Variants in ACTR5 observed in about 807,000 individuals in gnomAD.
The protein encoded by ACTR5 is actin-related protein 5.
A neutral mutation model predicts 61.2 loss-of-function variants in ACTR5; 43 were observed. The observed-to-expected ratio is 0.70, with a 90% CI of 0.55 to 0.91. ACTR5 has a LOEUF of 0.91. Among genes scored for constraint, ACTR5 ranks in the 40% least tolerant of loss-of-function variants. The pLI is 0.00. For missense variants in ACTR5, 798 were observed against 782.2 expected (o/e 1.02, Z -0.24); for synonymous variants, 333 against 310.5 (o/e 1.07, Z -0.76).
Position 38,766,329 on chromosome 20 carries a change from G to C in ACTR5, c.1385G>C (p.Gly462Ala), listed in dbSNP as rs777024733. 2 of 1,613,872 alleles carry C rather than the reference G, an allele frequency of 1.2e-6. No individual in the cohort carries two copies. Among genetic ancestry groups the C allele is most frequent in the African/African-American group, 1.3e-5 (1 of 74,944 alleles). Residue 462 changes from glycine to alanine, a missense_variant, in exon 7 of 9, where the codon GGA (glycine) becomes GCA (alanine). Coordinates refer to ENST00000243903, the MANE Select transcript of ACTR5 (RefSeq NM_024855.4). ...PEIIFQPSLI[G>A]EEQAGIAETL... Reference sequence around the variant, plus strand: ...ATTATTTTCCAGCCATCTCTCATAGGAGAAGAACAGGCTGGGATTGCAGAG... The same window carrying C: ...ATTATTTTCCAGCCATCTCTCATAGCAGAAGAACAGGCTGGGATTGCAGAG...
rs2084522552 is a variant in ACTR5, at chr20:38,771,894, T to C, written c.*78T>C. The C allele has an allele frequency of 1.3e-6, 2 of 1,504,744 alleles. No homozygotes were observed. The highest frequency in any genetic ancestry group is 1.8e-6 in the Non-Finnish European group (2 of 1,128,006). The allele number at this position is 1,504,744 out of a possible 1,614,324, so 93.2% of individuals were successfully genotyped here. On this transcript the variant is annotated 3_prime_UTR_variant, in exon 9 of 9. Coordinates refer to ENST00000243903, the MANE Select transcript of ACTR5 (RefSeq NM_024855.4). ...CAGTGTGACAGGACTGTGATTGTGC[T>C]AGATGTACCTGCCCAAGTCTGCTGG...
At chr20:38,767,112 G>A (rs1444094156) in intron 7 of ACTR5, among the ~76,000 whole-genome samples, 1 of 152,170 alleles carries the variant, frequency 6.6e-6, no homozygotes, top group African/African-American at 2.4e-5. Context: ...AATGTTTTGT[G>A]TCTTAATTGT....
chr20:38,750,268 G>T, intron 2 of ACTR5, 29 bp downstream of exon 2: 4 of 1,576,304 alleles, frequency 2.5e-6, no homozygotes, highest in Non-Finnish European at 3.5e-6. Flanking sequence ...ATTTGAGTGC[G>T]ATTTTGAGAA....
intron 5 of ACTR5, among the ~76,000 whole-genome samples, chr20:38,764,119 G>A (rs2084471380): frequency 6.6e-6 from 1 of 152,192 alleles, no homozygotes; most frequent in South Asian, 2.1e-4. Flanking sequence ...TACATTTGCA[G>A]TATATATGAG....
chr20:38,771,133 G>C (rs1601206717), intron 8 of ACTR5, among the ~76,000 whole-genome samples: 1 of 152,292 alleles, frequency 6.6e-6, no homozygotes, highest in East Asian at 1.9e-4. Flanking sequence ...TTCTCCTGAG[G>C]CTCTTTTGCT....
chr20:38,763,844 A>G (rs903712223), intron 5 of ACTR5, among the ~76,000 whole-genome samples: 1 of 152,154 alleles, frequency 6.6e-6, no homozygotes, highest in Non-Finnish European at 1.5e-5. Flanking sequence ...CGTGTCACCC[A>G]ACCCATCTTC....
At chr20:38,758,600 T>C (rs547465583) in intron 5 of ACTR5, among the ~76,000 whole-genome samples, 1 of 151,716 alleles carries the variant, frequency 6.6e-6, no homozygotes, top group East Asian at 1.9e-4. Flanking sequence ...TGAGCTGAGA[T>C]TGTGACATTG....
At chr20:38,752,548 T>C (rs911012638) in intron 3 of ACTR5, among the ~76,000 whole-genome samples, 7 of 147,338 alleles carry the variant, frequency 4.8e-5, no homozygotes, top group African/African-American at 1.7e-4. Context: ...TTTCCAGATA[T>C]TAAATATTTT....
At chr20:38,759,660 G>A (rs1434731465) in intron 5 of ACTR5, among the ~76,000 whole-genome samples, 4 of 152,048 alleles carry the variant, frequency 2.6e-5, no homozygotes, top group African/African-American at 4.8e-5. Context: ...TGTATCCCAG[G>A]GGCCCACCAC....
chr20:38,752,426 T>G, intron 3 of ACTR5, 126 bp downstream of exon 3: 1 of 1,078,030 alleles, frequency 9.3e-7, no homozygotes, highest in Non-Finnish European at 1.3e-6. Context: ...TGTATTCCCT[T>G]TCTTAAACTA....
At chr20:38,756,091 G>C in intron 5 of ACTR5, 52 bp downstream of exon 5, 1 of 1,530,000 alleles carries the variant, frequency 6.5e-7, no homozygotes, top group Non-Finnish European at 8.8e-7. Context: ...GGAGTGTCCT[G>C]AGAGGCCTGA....
intron 5 of ACTR5, among the ~76,000 whole-genome samples, chr20:38,757,387 G>T (rs2084426708): frequency 2.0e-5 from 3 of 152,198 alleles, no homozygotes; most frequent in South Asian, 2.1e-4. Flanking sequence ...CCTGTTCCTG[G>T]ATCTGTCATC....
intron 5 of ACTR5, among the ~76,000 whole-genome samples, 188 bp from the exon 6 acceptor site, chr20:38,765,214 C>T (rs2084478766): frequency 6.6e-6 from 1 of 152,154 alleles, no homozygotes; most frequent in Non-Finnish European, 1.5e-5. Flanking sequence ...AAGCAAAGCC[C>T]GTTCCTGGCT....
At position 38,770,426 on chromosome 20, in the gene ACTR5, C is replaced by G. The variant is rs112103429; in HGVS notation, c.1567-1133C>G. Among the ~76,000 whole-genome samples, 354 of 152,312 alleles carry G rather than the reference C, an allele frequency of 2.3e-3. 1 individual carries two copies. Among genetic ancestry groups the G allele is most frequent in the African/African-American group, 8.0e-3 (333 of 41,564 alleles). Reference sequence around the variant, plus strand: ...GCGAGCAATGTTCTTTGTATACTTTCCAGTCGTTTTCATCTCATGTATGGT... The same window carrying G: ...GCGAGCAATGTTCTTTGTATACTTTGCAGTCGTTTTCATCTCATGTATGGT... On this transcript the variant is annotated intron_variant, in intron 8 of 8. Coordinates refer to ENST00000243903, the MANE Select transcript of ACTR5 (RefSeq NM_024855.4).
chr20:38,756,726 G>A (rs565298547), intron 5 of ACTR5, among the ~76,000 whole-genome samples: 12 of 152,290 alleles, frequency 7.9e-5, no homozygotes, highest in South Asian at 2.1e-4. Context: ...CCCACATGGC[G>A]AAACCCTGTC....
chr20:38,765,533 G>T lies in ACTR5; in HGVS notation c.1293+15G>T. The stretch of plus-strand genomic sequence containing the variant: ...CCACTGTTCAGGTTTGACTTCTACA[G>T]CCCAGAACATGCTTATTCTTTGAAG... On this transcript the variant is annotated intron_variant, in intron 6 of 8. Transcript: ENST00000243903. 3 of 1,593,454 alleles carry T rather than the reference G, an allele frequency of 1.9e-6. No homozygotes were observed. The highest frequency in any genetic ancestry group is 2.6e-6 in the Non-Finnish European group (3 of 1,161,224).
At chr20:38,756,064 A>G in intron 5 of ACTR5, 25 bp downstream of exon 5, 1 of 1,594,494 alleles carries the variant, frequency 6.3e-7, no homozygotes, top group Non-Finnish European at 8.5e-7. Flanking sequence ...TGGAAGGAGC[A>G]GCCCTTCTTG....
chr20:38,761,787 G>A (rs529845590), intron 5 of ACTR5: 44 of 152,950 alleles, frequency 2.9e-4, no homozygotes, highest in Non-Finnish European at 4.6e-4. Flanking sequence ...AGATAAGGAA[G>A]TAGAATGAAG....
intron 6 of ACTR5, among the ~76,000 whole-genome samples, chr20:38,765,768 A>G (rs996422670): frequency 6.6e-6 from 1 of 152,206 alleles, no homozygotes; most frequent in Non-Finnish European, 1.5e-5. Context: ...TGGGAACTTG[A>G]GATCTGAATA....
Sources: gnomAD v4.1 joint callset for allele counts (sites outside exome capture counted in the v4.1 genomes callset) on GRCh38, gnomAD v4.1.1 for gene constraint, MANE v1.5 for transcripts, NCBI Gene and HGNC (gene_info 2026-07-23, HGNC 2026-07-21) for gene names.